Variants in ADRA1A observed in about 807,000 individuals in gnomAD.
ADRA1A encodes the protein alpha-1A adrenergic receptor.
In ADRA1A, 31 loss-of-function variants were observed where a neutral mutation model predicts 29.6. The ratio of observed to expected loss-of-function variants is 1.05; its 90% confidence interval spans 0.79 to 1.41. The LOEUF (loss-of-function observed/expected upper bound fraction) is 1.41, where lower values mean the gene tolerates loss of function less well. ADRA1A is among the 40% of genes most tolerant of loss of function. The pLI is 0.00. For synonymous variants in ADRA1A, 311 were observed against 254.3 expected (o/e 1.22, Z -2.12); for missense variants, 619 against 601.1 (o/e 1.03, Z -0.31).
At chr8:26,759,366 T>C (rs1021288516) in intron 2 of ADRA1A, among the ~76,000 whole-genome samples, 4 of 152,182 alleles carry the variant, frequency 2.6e-5, no homozygotes, top group Non-Finnish European at 5.9e-5. Context: ...CCAATAAAAG[T>C]ATGACTCTTT....
rs1810976899 is a variant in ADRA1A, at chr8:26,831,540, G to A, written c.883+32547C>T. 6.6e-6 allele frequency among the ~76,000 whole-genome samples: 1 copy of A among 152,166 alleles called. No homozygotes were observed. Among genetic ancestry groups the A allele is most frequent in the Non-Finnish European group, 1.5e-5 (1 of 68,036 alleles). ...GAAAGGGTGTAGAGGTCACGGAAGT[G>A]TCAGGTCACACCCAATGTCCTAGAC... On this transcript the variant is annotated intron_variant, in intron 2 of 2. Transcript: ENST00000380573. The surrounding 1 kb of genome is among the most constrained non-coding windows in gnomAD (Gnocchi z 5.2).
chr8:26,809,037 C>T (rs145606907), intron 2 of ADRA1A, among the ~76,000 whole-genome samples: 2 of 152,142 alleles, frequency 1.3e-5, no homozygotes, highest in East Asian at 1.9e-4. Flanking sequence ...GGAGTAGACA[C>T]CTGCCTTATT....
chr8:26,864,481 G>A lies in ADRA1A; in HGVS notation c.489C>T (p.Phe163=). 6.2e-7 allele frequency: 1 copy of A among 1,613,746 alleles called. No homozygotes were observed. The highest frequency in any genetic ancestry group is 1.1e-5 in the South Asian group (1 of 91,074). ...CCTCGGGGGCCGGCTGCCTCCAGCC[G>A]AACAGGGGTCCAATGGATATGACCA... ...LSLVISIGPL[F]GWRQPAPEDE... The change falls in exon 2 of 3, where the codon TTC becomes TTT. Residue 163 remains phenylalanine, a synonymous_variant. Coordinates refer to ENST00000380573, the MANE Select transcript of ADRA1A (RefSeq NM_000680.4). This position sits in a 1 kb window ranked among gnomAD's most constrained non-coding sequence, Gnocchi z 8.1.
At chr8:26,762,442 G>C (rs896720759), downstream of ADRA1A, among the ~76,000 whole-genome samples, 1 of 152,174 alleles carries the variant, frequency 6.6e-6, no homozygotes, top group African/African-American at 2.4e-5. The surrounding 1 kb of genome is among the most constrained non-coding windows in gnomAD (Gnocchi z 4.0). Context: ...GAAGAGGATG[G>C]AGTTGCTGAG....
chr8:26,864,218 G>T lies in ADRA1A; in HGVS notation c.752C>A (p.Ala251Asp), dbSNP rs778643760. 1 of 1,614,174 alleles carries T rather than the reference G, an allele frequency of 6.2e-7. No homozygotes were observed. Residue 251 changes from alanine (A) to aspartate (D), a missense_variant, in exon 2 of 3, where the codon GCC (alanine) becomes GAC (aspartate). Coordinates refer to ENST00000380573, the MANE Select transcript of ADRA1A (RefSeq NM_000680.4). This position sits in a 1 kb window ranked among gnomAD's most constrained non-coding sequence, Gnocchi z 8.1. ...APAGGSGMAS[A>D]KTKTHFSVRL... is the part of the protein sequence containing the mutation. ...CACTGAGAAGTGCGTCTTGGTCTTG[G>T]CGCTGGCCATCCCGCTGCCTCCTGC... is the stretch of plus-strand genomic sequence containing the variant.
At chr8:26,763,207 G>A (rs1228365512), downstream of ADRA1A, among the ~76,000 whole-genome samples, 1 of 152,144 alleles carries the variant, frequency 6.6e-6, no homozygotes, top group African/African-American at 2.4e-5. The surrounding 1 kb of genome is among the most constrained non-coding windows in gnomAD (Gnocchi z 4.5). Flanking sequence ...GCCCTCAAAT[G>A]CCCTGGTGTG....
At position 26,775,462 on chromosome 8, in the gene ADRA1A, T is replaced by C. The variant is rs1214135662; in HGVS notation, c.884-4796A>G. ...TCAGACCCTCTAGTTTTTCTCATGA[T>C]GCTTCATAGGAAGAGCCAGACTTCC... On this transcript the variant is annotated intron_variant, in intron 2 of 2. Transcript: ENST00000380573. This position sits in a 1 kb window ranked among gnomAD's most constrained non-coding sequence, Gnocchi z 4.1. Among the ~76,000 whole-genome samples the C allele has an allele frequency of 3.3e-5, 5 of 152,204 alleles. No individual in the cohort carries two copies. The highest frequency in any genetic ancestry group is 2.6e-4 in the Admixed American group (4 of 15,282).
chr8:26,829,644 A>C (rs929546210), intron 2 of ADRA1A, among the ~76,000 whole-genome samples: 6 of 152,182 alleles, frequency 3.9e-5, no homozygotes, highest in African/African-American at 1.4e-4. Context: ...TCTCAAAGAA[A>C]TACAGCTCCA....
At chr8:26,771,162 A>C (rs146885095) in intron 2 of ADRA1A, among the ~76,000 whole-genome samples, 1 of 152,310 alleles carries the variant, frequency 6.6e-6, no homozygotes, top group East Asian at 1.9e-4. Flanking sequence ...ATGGATTTTG[A>C]TGAGAATCTC....
chr8:26,830,451 A>G (rs536068971), intron 2 of ADRA1A, among the ~76,000 whole-genome samples: 2 of 152,212 alleles, frequency 1.3e-5, no homozygotes, highest in Admixed American at 6.5e-5. Context: ...TGTTCGTTCT[A>G]GGATAACACA....
In ADRA1A at chr8:26,825,065, C is replaced by T. The variant is rs1810451210; in HGVS notation, c.883+39022G>A. 6.6e-6 allele frequency among the ~76,000 whole-genome samples: 1 copy of T among 152,168 alleles called. No individual in the cohort carries two copies. The highest frequency in any genetic ancestry group is 1.9e-4 in the East Asian group (1 of 5,176). ...TACCAGTGGAGCAACATGCCAGCTT[C>T]CTTCTGACAGCGTTTGGTTGTTCAG... On this transcript the variant is annotated intron_variant, in intron 2 of 2. Transcript: ENST00000380573. This position sits in a 1 kb window ranked among gnomAD's most constrained non-coding sequence, Gnocchi z 5.7.
intron 2 of ADRA1A, among the ~76,000 whole-genome samples, chr8:26,835,484 G>T (rs1698361466): frequency 2.0e-5 from 3 of 152,190 alleles, no homozygotes; most frequent in Admixed American, 1.3e-4. Context: ...GAAAGGGGAA[G>T]CAAACACATC....
At chr8:26,778,754 T>G (rs1453344870) in intron 2 of ADRA1A, among the ~76,000 whole-genome samples, 1 of 124,800 alleles carries the variant, frequency 8.0e-6, no homozygotes, top group Non-Finnish European at 1.6e-5. Flanking sequence ...TGACTATACT[T>G]GGACACAGGA....
At chr8:26,759,636 G>A (rs1444230667) in intron 2 of ADRA1A, among the ~76,000 whole-genome samples, 2 of 152,146 alleles carry the variant, frequency 1.3e-5, no homozygotes, top group Admixed American at 6.5e-5. Flanking sequence ...TGTGGGGCAC[G>A]AAGTACTCTG....
rs186889802 is a variant in ADRA1A at position 26,775,682 on chromosome 8, G to C, written c.884-5016C>G. Among the ~76,000 whole-genome samples the C allele has an allele frequency of 2.8e-3, 426 of 152,284 alleles. 8 individuals are homozygous for C. The highest frequency in any genetic ancestry group is 0.023 in the Admixed American group (355 of 15,302). On this transcript the variant is annotated intron_variant, in intron 2 of 2. Transcript: ENST00000380573. This position sits in a 1 kb window ranked among gnomAD's most constrained non-coding sequence, Gnocchi z 4.1. Reference sequence around the variant, plus strand: ...TCTTGGGCTTTGGAAAATCCCCACAGCCTAAGGATTCTTCCTGTCACTGAG... The same window carrying C: ...TCTTGGGCTTTGGAAAATCCCCACACCCTAAGGATTCTTCCTGTCACTGAG...
intron 2 of ADRA1A, among the ~76,000 whole-genome samples, chr8:26,795,880 G>A (rs1019959167): frequency 5.9e-5 from 9 of 152,156 alleles, no homozygotes; most frequent in Middle Eastern, 3.4e-3. Flanking sequence ...AAAAGAAAGC[G>A]TAAGGGAGAA....
intron 2 of ADRA1A, among the ~76,000 whole-genome samples, chr8:26,830,016 T>A (rs1810860083): frequency 6.6e-6 from 1 of 152,104 alleles, no homozygotes; most frequent in African/African-American, 2.4e-5. Context: ...GAATGTCGGA[T>A]GTTTGAAGAC....
At chr8:26,812,629 T>TTTTATTTA (rs142175703) in intron 2 of ADRA1A, among the ~76,000 whole-genome samples, 9 of 147,224 alleles carry the variant, frequency 6.1e-5, no homozygotes, top group Middle Eastern at 3.6e-3. Flanking sequence ...GCCTTTTTAT[T>TTTTATTTA]TTTATTTATT....
chr8:26,828,794 T>A (rs1200500612), intron 2 of ADRA1A, among the ~76,000 whole-genome samples: 1 of 152,134 alleles, frequency 6.6e-6, no homozygotes, highest in Non-Finnish European at 1.5e-5. Context: ...ACCTGAACAC[T>A]GAAAACAATC....
Sources: allele counts gnomAD v4.1 joint callset (sites outside exome capture counted in the v4.1 genomes callset), GRCh38; gene constraint gnomAD v4.1.1; non-coding constraint Gnocchi (gnomAD v3.1); transcripts MANE v1.5; gene names NCBI Gene and HGNC (gene_info 2026-07-23, HGNC 2026-07-21).